Variants in ARMH1 observed in about 807,000 individuals in gnomAD.
ARMH1 encodes armadillo like helical domain containing 1.
Under a neutral mutation model 50.2 loss-of-function variants are expected in ARMH1, and 34 were observed. The observed-to-expected ratio is 0.68, with a 90% confidence interval of 0.51 to 0.90. The LOEUF is 0.90. ARMH1 is among the 40% of genes least tolerant of loss of function. The pLI, the probability that ARMH1 is intolerant of heterozygous loss-of-function variation, is 0.00. For synonymous variants in ARMH1, 221 were observed against 224.2 expected, an observed-to-expected ratio of 0.99 and a Z score of 0.13; for missense variants, 538 against 553.9, an observed-to-expected ratio of 0.97 and a Z score of 0.29.
Position 44,701,045 on chromosome 1 carries a change from G to C in ARMH1, c.565G>C (p.Gly189Arg), listed in dbSNP as rs4322271. 6.9e-3 allele frequency: 10,673 copies of C among 1,551,732 alleles called. 40 individuals are homozygous for C. Among genetic ancestry groups the C allele is most frequent in the Non-Finnish European group, 7.8e-3 (8,898 of 1,147,008 alleles). ...CAAGTACCAAAATCAAGTGTATAAA[G>C]GTCTAATAGCTTTGCTGCCCTGCGA... ...NPKYQNQVYKGLIALLPCESP... is the reference protein window; with the variant it reads ...NPKYQNQVYKRLIALLPCESP... Residue 189 changes from glycine to arginine, a missense_variant, in exon 5 of 12, where the codon GGT becomes CGT. By Grantham distance (125) the Gly-to-Arg change is moderately radical (BLOSUM62 -2). Transcript: ENST00000535358.
intron 6 of ARMH1, among the ~76,000 whole-genome samples, chr1:44,720,604 C>T (rs187968138): frequency 6.6e-6 from 1 of 152,222 alleles, no homozygotes; most frequent in Non-Finnish European, 1.5e-5. Context: ...GAATTCTATA[C>T]GGTGCTACGG....
chr1:44,694,249 C>T (rs913939562), intron 2 of ARMH1, among the ~76,000 whole-genome samples: 4 of 152,124 alleles, frequency 2.6e-5, no homozygotes, highest in African/African-American at 4.8e-5. Context: ...AAATAGACTG[C>T]GTGATGTGAT....
rs184737473 is a variant in ARMH1 at position 44,687,207 on chromosome 1, C to T, written c.-22-2469C>T. Among the ~76,000 whole-genome samples, 15 of 152,266 alleles carry T rather than the reference C, an allele frequency of 9.9e-5. No homozygotes were observed. The East Asian group carries it at 2.5e-3, about 25-fold the overall frequency. On this transcript the variant is annotated intron_variant, in intron 1 of 11. Transcript: ENST00000535358. The stretch of plus-strand genomic sequence containing the variant: ...CCTCTCTCCTTGGCTTGCAGATGAC[C>T]ATGTTTTCCCTGTGTCTTCACCTGG...
chr1:44,716,859 T>C (rs1557559945), intron 6 of ARMH1, among the ~76,000 whole-genome samples: 2 of 151,426 alleles, frequency 1.3e-5, no homozygotes, highest in Non-Finnish European at 3.0e-5. Context: ...TTCTTTTTTT[T>C]TTTTTTTTTG....
chr1:44,721,580 T>G (rs1039142457), intron 6 of ARMH1, among the ~76,000 whole-genome samples: 14 of 152,064 alleles, frequency 9.2e-5, no homozygotes, highest in African/African-American at 3.4e-4. Flanking sequence ...AACATGACAG[T>G]AGGCCGGGCA....
At position 44,705,033 on chromosome 1, in the gene ARMH1, C is replaced by T. The variant is rs1422082931; in HGVS notation, c.724+860C>T. Among the ~76,000 whole-genome samples the T allele has an allele frequency of 3.3e-4, 50 of 151,148 alleles. 1 individual carries two copies. Among genetic ancestry groups the T allele is most frequent in the East Asian group, 2.0e-4 (1 of 5,044 alleles). On this transcript the variant is annotated intron_variant, in intron 6 of 11. Coordinates refer to ENST00000535358, the MANE Select transcript of ARMH1 (RefSeq NM_001145636.2). ...ATATTTTTTAGTGGAGACGAGGTTT[C>T]GCTGCGTTAGCCAGGATGGTCTCGA...
chr1:44,713,122 A>T, intron 6 of ARMH1, among the ~76,000 whole-genome samples: 1 of 101,030 alleles, frequency 9.9e-6, no homozygotes, highest in Non-Finnish European at 1.9e-5. Flanking sequence ...TTTTTTTGAG[A>T]CAGTCTTGCT....
At position 44,689,786 on chromosome 1, in the gene ARMH1, A is replaced by G; in HGVS notation, c.89A>G (p.His30Arg). 6.4e-7 allele frequency: 1 copy of G among 1,551,956 alleles called. No individual in the cohort carries two copies. Among genetic ancestry groups the G allele is most frequent in the Non-Finnish European group, 8.7e-7 (1 of 1,147,058 alleles). ...AACGCTGGCAAAGTCGCAAGGAGTC[A>G]CATCCTCGACAAGTTCATTGAAACC... ...WDNAGKVARS[H>R]ILDKFIETNQ... Residue 30 changes from histidine to arginine, a missense_variant, in exon 2 of 12, where the codon CAC (histidine) becomes CGC (arginine). By Grantham distance (29) the His-to-Arg change is conservative. Transcript: ENST00000535358.
chr1:44,690,017 A>T (rs767357067), intron 2 of ARMH1, 114 bp downstream of exon 2: 1 of 866,206 alleles, frequency 1.2e-6, no homozygotes, highest in Non-Finnish European at 1.8e-6. Context: ...CAGGAGTTCG[A>T]GACCAGCCTA....
chr1:44,686,832 TCAGGAGGCTGAGG>T (rs1405325824), intron 1 of ARMH1, among the ~76,000 whole-genome samples: 2 of 152,048 alleles, frequency 1.3e-5, no homozygotes, highest in Admixed American at 1.3e-4. Context: ...CCCCAGCTAC[TCAGGAGGCTGAGG>T]CAGGAGGACT....
chr1:44,711,823 C>G (rs1459781131), intron 6 of ARMH1, among the ~76,000 whole-genome samples: 1 of 152,078 alleles, frequency 6.6e-6, no homozygotes, highest in East Asian at 1.9e-4. Flanking sequence ...GACTGTGTGC[C>G]CAGCATTGTT....
chr1:44,695,976 AG>A (rs1645815524), intron 2 of ARMH1, among the ~76,000 whole-genome samples: 1 of 151,086 alleles, frequency 6.6e-6, no homozygotes, highest in Non-Finnish European at 1.5e-5. Flanking sequence ...AGCCCAGGAC[AG>A]AGGAAACAGA....
Position 44,683,192 on chromosome 1 carries a change from G to A in ARMH1, c.-22-6484G>A, listed in dbSNP as rs912951020. Among the ~76,000 whole-genome samples the A allele has an allele frequency of 4.1e-4, 62 of 152,200 alleles. No homozygotes were observed. The highest frequency in any genetic ancestry group is 1.4e-3 in the African/African-American group (60 of 41,448). Reference sequence around the variant, plus strand: ...TCAAAGACAACTTTTGGCTGACTAGGAGGGTGGTGACCCAAGCACTGAAAT... The same window carrying A: ...TCAAAGACAACTTTTGGCTGACTAGAAGGGTGGTGACCCAAGCACTGAAAT... On this transcript the variant is annotated intron_variant, in intron 1 of 11. Coordinates refer to ENST00000535358, the MANE Select transcript of ARMH1 (RefSeq NM_001145636.2). The surrounding 1 kb of genome is among the most constrained non-coding windows in gnomAD (Gnocchi z 4.2).
intron 6 of ARMH1, among the ~76,000 whole-genome samples, chr1:44,723,225 CACTG>C (rs1271606066): frequency 2.6e-5 from 4 of 152,294 alleles, no homozygotes; most frequent in African/African-American, 9.6e-5. Flanking sequence ...ACAGCCCAAT[CACTG>C]ACTCCTTCCA....
At chr1:44,694,873 T>C (rs144110663) in intron 2 of ARMH1, among the ~76,000 whole-genome samples, 1 of 152,174 alleles carries the variant, frequency 6.6e-6, no homozygotes, top group African/African-American at 2.4e-5. Context: ...TATTATGTCA[T>C]TTGGGCCTAA....
In ARMH1 at chr1:44,700,490, C is replaced by T. The variant is rs184572813; in HGVS notation, c.443-433C>T. ...AATTAGCCAGGCCTGGTGGCACACA[C>T]CTGTAGTCCCAGCTACCTGGGAGGC... On this transcript the variant is annotated intron_variant, in intron 4 of 11. Transcript: ENST00000535358. Among the ~76,000 whole-genome samples, 14 of 152,004 alleles carry T rather than the reference C, an allele frequency of 9.2e-5. 1 individual carries two copies. The East Asian group carries it at 2.7e-3, about 30-fold the overall frequency.
At chr1:44,695,688 C>T (rs776644174) in intron 2 of ARMH1, among the ~76,000 whole-genome samples, 12 of 151,974 alleles carry the variant, frequency 7.9e-5, no homozygotes, top group African/African-American at 1.2e-4. Context: ...CTCTGTAATC[C>T]CAACACTTTG....
In ARMH1 at chr1:44,698,082, TTTC is replaced by T. The variant is rs1645890516; in HGVS notation, c.298_300del (p.Leu100del). The T allele has an allele frequency of 6.4e-7, 1 of 1,550,668 alleles. No homozygotes were observed. The highest frequency in any genetic ancestry group is 1.4e-5 in the African/African-American group (1 of 73,134). On this transcript the variant is annotated inframe_deletion, in exon 4 of 12. Coordinates refer to ENST00000535358, the MANE Select transcript of ARMH1 (RefSeq NM_001145636.2). Reference sequence around the variant, plus strand: ...GGACAGTAATCGGTACCTTATAGAATTTCTTGAGGTTGGAGGTGTCCTAACCCT... The same window carrying T: ...GGACAGTAATCGGTACCTTATAGAATTTGAGGTTGGAGGTGTCCTAACCCT...
chr1:44,695,801 T>C (rs1472018177), intron 2 of ARMH1, among the ~76,000 whole-genome samples: 1 of 151,642 alleles, frequency 6.6e-6, no homozygotes. Flanking sequence ...AAAAAATAGC[T>C]GGGTATGGTG....
Sources: gnomAD v4.1 joint callset for allele counts (sites outside exome capture counted in the v4.1 genomes callset) on GRCh38, gnomAD v4.1.1 for gene constraint, Gnocchi (gnomAD v3.1) non-coding constraint, MANE v1.5 for transcripts, NCBI Gene and HGNC (gene_info 2026-07-23, HGNC 2026-07-21) for gene names.